The following TRMT11 variants were observed in gnomAD, a reference collection of about 807,000 sequenced individuals.
The protein encoded by TRMT11 is tRNA methyltransferase 11.
TRMT11 carries 53 observed loss-of-function variants against 62.8 expected under a neutral mutation model. That is an observed-to-expected ratio of 0.84 (90% CI 0.68 to 1.06). The LOEUF (loss-of-function observed/expected upper bound fraction) is 1.06. Ranked by LOEUF, TRMT11 falls within the 50% of genes least tolerant of loss-of-function variation. The pLI, the probability that TRMT11 is intolerant of heterozygous loss-of-function variation, is 0.00. For synonymous variants in TRMT11, 188 were observed against 190.3 expected (o/e 0.99, Z 0.10); for missense variants, 556 against 553.4 (o/e 1.00, Z -0.05).
chr6:126,190,276 A>G (rs1778581384), intron 1 of TRMT11, among the ~76,000 whole-genome samples: 1 of 152,148 alleles, frequency 6.6e-6, no homozygotes, highest in Middle Eastern at 3.4e-3. Context: ...TAATCCCCAC[A>G]TGTCAGGGGA....
At chr6:125,994,536 T>C (rs1562236469) in intron 2 of TRMT11, among the ~76,000 whole-genome samples, 1 of 152,188 alleles carries the variant, frequency 6.6e-6, no homozygotes, top group Non-Finnish European at 1.5e-5. Context: ...AAGATGAAAA[T>C]ATTTTTTCTT....
chr6:126,030,872 A>G (rs1219399266), intron 12 of TRMT11, among the ~76,000 whole-genome samples: 2 of 152,210 alleles, frequency 1.3e-5, no homozygotes, highest in Non-Finnish European at 2.9e-5. Flanking sequence ...TAGTGATTTT[A>G]TAAATTGATG....
intron 21 of TRMT11, among the ~76,000 whole-genome samples, chr6:126,150,725 C>A (rs371848668): frequency 6.6e-6 from 1 of 152,118 alleles, no homozygotes; most frequent in African/African-American, 2.4e-5. Flanking sequence ...AGTGTTTCAG[C>A]GGCCATTAAA....
intron 11 of TRMT11, among the ~76,000 whole-genome samples, chr6:126,018,755 A>G (rs1174835554): frequency 6.6e-6 from 1 of 152,190 alleles, no homozygotes; most frequent in Non-Finnish European, 1.5e-5. Flanking sequence ...GGGAATTAAG[A>G]TGGGATTTAG....
intron 17 of TRMT11, among the ~76,000 whole-genome samples, chr6:126,064,876 T>C (rs1776642426): frequency 1.3e-5 from 2 of 152,260 alleles, no homozygotes; most frequent in Admixed American, 6.5e-5. Context: ...CAGCCTTGTT[T>C]TATGTTTGTT....
chr6:125,986,625 G>C lies in TRMT11; in HGVS notation c.72+3G>C. 6.3e-7 allele frequency: 1 copy of C among 1,579,834 alleles called. No homozygotes were observed. Among genetic ancestry groups the C allele is most frequent in the Non-Finnish European group, 8.6e-7 (1 of 1,164,452 alleles). ...AGCATCTGGAGTTCCGCCTGCCGGT[G>C]AGTCCGTAGCGCCCTCCGGAACTTC... On this transcript the variant is annotated splice_donor_region_variant and intron_variant, in intron 1 of 12. Coordinates refer to ENST00000334379, the MANE Select transcript of TRMT11 (RefSeq NM_001031712.3).
Position 126,011,413 on chromosome 6 carries a change from T to G in TRMT11, c.921T>G (p.Thr307=). ...RKGTYFDAII[T]DPPYGIREST... ...GCACATATTTTGATGCAATCATTACTGATCGTAAGTTTATTTTTATACAAA... is the reference window on the plus strand; with the variant it reads ...GCACATATTTTGATGCAATCATTACGGATCGTAAGTTTATTTTTATACAAA... The change falls in exon 9 of 13, where the codon ACT becomes ACG. Residue 307 remains threonine, a synonymous_variant. Coordinates refer to ENST00000334379, the MANE Select transcript of TRMT11 (RefSeq NM_001031712.3). 6.2e-7 allele frequency: 1 copy of G among 1,607,670 alleles called. No individual in the cohort carries two copies. The highest frequency in any genetic ancestry group is 1.1e-5 in the South Asian group (1 of 89,140).
intron 17 of TRMT11, among the ~76,000 whole-genome samples, chr6:126,078,659 A>C (rs1583867786): frequency 6.6e-6 from 1 of 152,304 alleles, no homozygotes; most frequent in African/African-American, 2.4e-5. Context: ...GTGAGCATGC[A>C]CGTAGCCCCA....
intron 18 of TRMT11, among the ~76,000 whole-genome samples, chr6:126,113,475 G>A (rs988273558): frequency 3.3e-5 from 5 of 152,184 alleles, no homozygotes; most frequent in South Asian, 4.2e-4. Flanking sequence ...CACCAACAGT[G>A]ATACTTGTAC....
chr6:126,153,358 A>T (rs532508622), intron 21 of TRMT11, among the ~76,000 whole-genome samples: 1 of 152,364 alleles, frequency 6.6e-6, no homozygotes, highest in Non-Finnish European at 1.5e-5. Context: ...ACAATGGTGA[A>T]AACCATTAGG....
At chr6:126,021,682 A>C (rs2127991388) in intron 12 of TRMT11, among the ~76,000 whole-genome samples, 1 of 152,320 alleles carries the variant, frequency 6.6e-6, no homozygotes, top group Non-Finnish European at 1.5e-5. Flanking sequence ...ATAAATAAAG[A>C]GAGAAAGTAA....
chr6:126,117,847 T>C (rs1001039882), intron 21 of TRMT11, among the ~76,000 whole-genome samples: 1 of 152,140 alleles, frequency 6.6e-6, no homozygotes, highest in African/African-American at 2.4e-5. Flanking sequence ...ACTTATTAAC[T>C]GCGTGACCAT....
intron 21 of TRMT11, among the ~76,000 whole-genome samples, chr6:126,155,686 T>C (rs116534556): frequency 0.021 from 3,194 of 152,266 alleles, 109 homozygotes; most frequent in African/African-American, 0.072. Flanking sequence ...GACAGTAGGC[T>C]CCATGCAAGC....
At chr6:126,123,887 CT>C (rs1256163921) in intron 21 of TRMT11, among the ~76,000 whole-genome samples, 2 of 151,792 alleles carry the variant, frequency 1.3e-5, no homozygotes, top group Non-Finnish European at 2.9e-5. Context: ...CATTTATTGT[CT>C]GTTGTACTTT....
chr6:125,990,503 G>A (rs1790433500), intron 1 of TRMT11, among the ~76,000 whole-genome samples: 1 of 152,150 alleles, frequency 6.6e-6, no homozygotes, highest in South Asian at 2.1e-4. Flanking sequence ...CACTCTTGCA[G>A]CTGTTTTTGG....
chr6:126,001,855 C>G (rs899846685), intron 7 of TRMT11, among the ~76,000 whole-genome samples: 2 of 152,084 alleles, frequency 1.3e-5, no homozygotes, highest in Non-Finnish European at 2.9e-5. Flanking sequence ...GCCCTTTCCT[C>G]TCTTCCATGT....
chr6:126,255,721 G>C, the TRMT11 span, among the ~76,000 whole-genome samples: 1 of 152,034 alleles, frequency 6.6e-6, no homozygotes, highest in Non-Finnish European at 1.5e-5. Context: ...AGAATTTTTG[G>C]GGAAGGGATG....
chr6:126,207,296 C>A (rs971211027), downstream of TRMT11, among the ~76,000 whole-genome samples: 1 of 152,094 alleles, frequency 6.6e-6, no homozygotes, highest in Non-Finnish European at 1.5e-5. Context: ...GGTATTGTCC[C>A]TGGATCATGG....
At chr6:126,092,362 C>G (rs535559157) in intron 17 of TRMT11, among the ~76,000 whole-genome samples, 1 of 152,132 alleles carries the variant, frequency 6.6e-6, no homozygotes, top group Non-Finnish European at 1.5e-5. Context: ...AAAGGCCTAT[C>G]TTACATGGTG....
Sources: allele counts gnomAD v4.1 joint callset (sites outside exome capture counted in the v4.1 genomes callset), GRCh38; gene constraint gnomAD v4.1.1; transcripts MANE v1.5; gene names NCBI Gene and HGNC (gene_info 2026-07-23, HGNC 2026-07-21).